GTPBP4: variants seen among roughly 807,000 people sequenced by gnomAD.
GTPBP4 encodes the protein GTP-binding protein 4.
Under a neutral mutation model 81.7 loss-of-function variants are expected in GTPBP4, and 15 were observed. That is an observed-to-expected ratio of 0.18 (90% CI 0.12 to 0.28). The LOEUF is 0.28. GTPBP4 is among the 10% of genes least tolerant of loss of function. The pLI is 1.00. For synonymous variants in GTPBP4, 272 were observed against 274.6 expected, an observed-to-expected ratio of 0.99 and a Z score of 0.09; for missense variants, 847 against 793.8, an observed-to-expected ratio of 1.07 and a Z score of -0.81.
chr10:1,008,514 A>G (rs1831792500), intron 10 of GTPBP4: 1 of 295,650 alleles, frequency 3.4e-6, no homozygotes, highest in Non-Finnish European at 6.6e-6. Context: ...ACTCCGTTTC[A>G]AGTGGTCGGC....
At chr10:1,015,689 AGC>A in intron 15 of GTPBP4, 62 bp from the exon 16 acceptor site, 1 of 2,268 alleles carries the variant, frequency 4.4e-4, no homozygotes, top group Admixed American at 0.045. Context: ...CTGAGCGCTG[AGC>A]ACTGAGCCTG....
chr10:1,019,784 T>C lies in GTPBP4; in HGVS notation c.*2557T>C. ...CATGCTCTCCCCAAATTCTGTCTGA[T>C]TTTGCCTTGTGGTGATAGATTGTCA... On this transcript the variant is annotated 3_prime_UTR_variant, in exon 17 of 17. Transcript: ENST00000360803. 2 of 1,614,020 alleles carry C rather than the reference T, an allele frequency of 1.2e-6. No homozygotes were observed. The highest frequency in any genetic ancestry group is 4.5e-5 in the East Asian group (2 of 44,860).
At chr10:1,015,970 C>T in intron 16 of GTPBP4, 74 bp downstream of exon 16, 6 of 1,296,528 alleles carry the variant, frequency 4.6e-6, no homozygotes, top group Non-Finnish European at 6.5e-6. Context: ...AGGGCAAACA[C>T]CAGCAGTTGC....
At chr10:998,581 G>C (rs1047476591) in intron 5 of GTPBP4, among the ~76,000 whole-genome samples, 2 of 152,224 alleles carry the variant, frequency 1.3e-5, no homozygotes, top group Non-Finnish European at 2.9e-5. Context: ...ACTGCACTGG[G>C]TGGCTTTTTA....
intron 8 of GTPBP4, among the ~76,000 whole-genome samples, chr10:1,005,392 G>A (rs749115338): frequency 9.2e-5 from 14 of 152,054 alleles, no homozygotes; most frequent in Non-Finnish European, 1.6e-4. Context: ...TGATCCACCC[G>A]CCTCGGCCTC....
intron 8 of GTPBP4, among the ~76,000 whole-genome samples, chr10:1,004,361 G>A (rs1248473058): frequency 2.6e-5 from 4 of 152,212 alleles, no homozygotes; most frequent in African/African-American, 9.6e-5. Flanking sequence ...TATAGGGTTA[G>A]TCCAGCTCCA....
intron 7 of GTPBP4, 36 bp from the exon 8 acceptor site, chr10:1,000,912 A>G (rs748550555): frequency 6.8e-6 from 11 of 1,608,414 alleles, no homozygotes; most frequent in Non-Finnish European, 9.4e-6. Context: ...CTGCAGTACG[A>G]GAATAATGAT....
At chr10:998,935 T>C in intron 5 of GTPBP4, 68 bp from the exon 6 acceptor site, 1 of 884,254 alleles carries the variant, frequency 1.1e-6, no homozygotes, top group East Asian at 2.4e-5. Flanking sequence ...TCAGTCTTGT[T>C]AAAACACACA....
Position 1,019,445 on chromosome 10 carries a change from G to T in GTPBP4, c.*2218G>T. The stretch of plus-strand genomic sequence containing the variant: ...TTTTGCCCTGTTTTTTGGAGAGGGT[G>T]TATCATTGCCTCAATGGTGCGTCTG... On this transcript the variant is annotated 3_prime_UTR_variant, in exon 17 of 17. Transcript: ENST00000360803. 2 of 1,246,604 alleles carry T rather than the reference G, an allele frequency of 1.6e-6. No individual in the cohort carries two copies. The highest frequency in any genetic ancestry group is 2.2e-6 in the Non-Finnish European group (2 of 896,750). 77.2% of individuals were successfully genotyped at this position (1,246,604 alleles called of 1,614,324 possible).
At chr10:1,012,385 C>G in intron 13 of GTPBP4, 80 bp from the exon 14 acceptor site, 1 of 951,592 alleles carries the variant, frequency 1.1e-6, no homozygotes, top group Non-Finnish European at 1.6e-6. Context: ...AACAAAGCTC[C>G]CATACACACT....
At chr10:1,009,733 C>T (rs900485390) in intron 12 of GTPBP4, among the ~76,000 whole-genome samples, 153 bp downstream of exon 12, 1 of 152,166 alleles carries the variant, frequency 6.6e-6, no homozygotes, top group Non-Finnish European at 1.5e-5. Context: ...TCCTGAGGGC[C>T]AGGTGCAGTG....
At chr10:1,008,033 T>C (rs1589029098) in intron 10 of GTPBP4, 1 of 479,946 alleles carries the variant, frequency 2.1e-6, no homozygotes, top group South Asian at 1.5e-5. Context: ...TTTTGAACTA[T>C]TAACATATAT....
chr10:1,000,865 C>T lies in GTPBP4; in HGVS notation c.843C>T (p.Asn281=). The part of the protein sequence containing the change: ...LFQNIRPLFI[N]KPLIVVANKC... ...AGAACATCAGACCTCTCTTCATCAA[C>T]AAGGTGTGTGTGGTCACTCATGTTT... is the stretch of plus-strand genomic sequence containing the variant. The change falls in exon 7 of 17, where the codon AAC becomes AAT. Residue 281 remains asparagine, a synonymous_variant. Transcript: ENST00000360803. 1 of 1,611,340 alleles carries T rather than the reference C, an allele frequency of 6.2e-7. No individual in the cohort carries two copies. The highest frequency in any genetic ancestry group is 8.5e-7 in the Non-Finnish European group (1 of 1,178,116).
intron 12 of GTPBP4, 89 bp from the exon 13 acceptor site, chr10:1,010,331 T>G: frequency 1.4e-6 from 1 of 710,992 alleles, no homozygotes; most frequent in Non-Finnish European, 2.5e-6. Context: ...AGTCGTTGAT[T>G]TGCCGTCAGT....
At chr10:991,821 G>A (rs1466702686) in intron 1 of GTPBP4, among the ~76,000 whole-genome samples, 2 of 143,290 alleles carry the variant, frequency 1.4e-5, no homozygotes, top group Non-Finnish European at 3.0e-5. Context: ...TCAGCCTCCC[G>A]AGTAGCTGGG....
intron 11 of GTPBP4, among the ~76,000 whole-genome samples, 157 bp from the exon 12 acceptor site, chr10:1,009,372 A>C (rs554264981): frequency 1.3e-5 from 2 of 152,238 alleles, no homozygotes; most frequent in African/African-American, 4.8e-5. Flanking sequence ...CCCCGCAGAC[A>C]GGGAGATAAG....
At chr10:995,244 G>A (rs945336539) in intron 2 of GTPBP4, among the ~76,000 whole-genome samples, 4 of 152,186 alleles carry the variant, frequency 2.6e-5, no homozygotes, top group African/African-American at 9.6e-5. Flanking sequence ...AATGTTTGGG[G>A]TAGAGCTGTG....
chr10:1,008,401 G>A, intron 10 of GTPBP4: 2 of 343,740 alleles, frequency 5.8e-6, no homozygotes, highest in Admixed American at 4.0e-5. Context: ...GTGAGACTCT[G>A]TCAAAAAAAA....
intron 13 of GTPBP4, among the ~76,000 whole-genome samples, chr10:1,010,781 C>T (rs1036033965): frequency 2.3e-5 from 3 of 129,656 alleles, no homozygotes; most frequent in Middle Eastern, 4.0e-3. Flanking sequence ...AGATGCTGGG[C>T]CCCTTCGTTA....
Sources: allele counts gnomAD v4.1 joint callset (sites outside exome capture counted in the v4.1 genomes callset), GRCh38; gene constraint gnomAD v4.1.1; transcripts MANE v1.5; gene names NCBI Gene and HGNC (gene_info 2026-07-23, HGNC 2026-07-21).